MTMR12: variants seen among roughly 807,000 people sequenced by gnomAD.
MTMR12 encodes the protein myotubularin related protein 12, also known as myotubularin-related protein 12.
A neutral mutation model predicts 96.7 loss-of-function variants in MTMR12; 33 were observed. The observed-to-expected ratio is 0.34, with a 90% CI of 0.26 to 0.46. The LOEUF (loss-of-function observed/expected upper bound fraction) is 0.46, where lower values mean the gene tolerates loss of function less well. Among genes scored for constraint, MTMR12 ranks in the 20% least tolerant of loss-of-function variants. The probability of loss-of-function intolerance (pLI) is 1.00; values close to 1 mark genes in which losing one functional copy is unlikely to be tolerated. For missense variants in MTMR12, 721 were observed against 896.1 expected (o/e 0.80, Z 2.49); for synonymous variants, 298 against 327.2 (o/e 0.91, Z 0.96).
At chr5:32,258,738 C>T (rs1749236583) in intron 7 of MTMR12, among the ~76,000 whole-genome samples, 1 of 152,094 alleles carries the variant, frequency 6.6e-6, no homozygotes, top group Non-Finnish European at 1.5e-5. Context: ...GTCATCTGTG[C>T]AGTTGTTTAA....
In MTMR12 at chr5:32,312,698, C is replaced by A; in HGVS notation, c.81+60G>T. Reference sequence around the variant, plus strand: ...GCTCCCCGCTGCAAGGAAGGGGCTCCCGGCGCCCCTCGCCCCGGCCGCCCC... The same window carrying A: ...GCTCCCCGCTGCAAGGAAGGGGCTCACGGCGCCCCTCGCCCCGGCCGCCCC... On this transcript the variant is annotated intron_variant, in intron 1 of 15. Transcript: ENST00000382142. This position sits in a 1 kb window ranked among gnomAD's most constrained non-coding sequence, Gnocchi z 5.0. 7.5e-7 allele frequency: 1 copy of A among 1,331,224 alleles called. No individual in the cohort carries two copies. The highest frequency in any genetic ancestry group is 1.7e-5 in the South Asian group (1 of 58,374). 82.5% of individuals were successfully genotyped at this position (1,331,224 alleles called of 1,614,324 possible). A position where few individuals can be genotyped will look rare whatever the true frequency, so the allele number is the denominator to read the frequency against.
intron 15 of MTMR12, among the ~76,000 whole-genome samples, chr5:32,232,732 G>C (rs1450709918): frequency 6.6e-6 from 1 of 152,244 alleles, no homozygotes; most frequent in African/African-American, 2.4e-5. Flanking sequence ...CAGCCAGAAA[G>C]GGGAAACTCC....
intron 1 of MTMR12, among the ~76,000 whole-genome samples, chr5:32,289,016 T>A (rs1441605182): frequency 1.3e-5 from 2 of 152,172 alleles, no homozygotes; most frequent in Non-Finnish European, 2.9e-5. Flanking sequence ...AATCTAACAG[T>A]GGGAACTGCA....
In MTMR12 at chr5:32,233,455, A is replaced by AACAC. The variant is rs71598927; in HGVS notation, c.1674+314_1674+317dup. Among the ~76,000 whole-genome samples the AACAC allele has an allele frequency of 1.3e-4, 19 of 147,858 alleles. No individual in the cohort carries two copies. The highest frequency in any genetic ancestry group is 2.2e-4 in the Non-Finnish European group (15 of 67,240). Reference sequence around the variant, plus strand: ...CAATCAATGTTCCTTTTACTCTACTAACACACACACACACACAAACACACA... The same window carrying AACAC: ...CAATCAATGTTCCTTTTACTCTACTAACACACACACACACACACACAAACACACA... On this transcript the variant is annotated intron_variant, in intron 15 of 15. Transcript: ENST00000382142. This position sits in a 1 kb window ranked among gnomAD's most constrained non-coding sequence, Gnocchi z 5.0.
At chr5:32,238,341 A>G (rs1236086189) in intron 13 of MTMR12, among the ~76,000 whole-genome samples, 1 of 151,896 alleles carries the variant, frequency 6.6e-6, no homozygotes, top group Non-Finnish European at 1.5e-5. Context: ...GGTAACTGGG[A>G]CTGTAGTCAG....
intron 2 of MTMR12, 108 bp downstream of exon 2, chr5:32,276,574 T>G: frequency 1.1e-6 from 1 of 897,386 alleles, no homozygotes; most frequent in Non-Finnish European, 1.8e-6. Context: ...TACTGTTATA[T>G]GTGAGAAGAT....
intron 2 of MTMR12, among the ~76,000 whole-genome samples, chr5:32,275,784 C>A (rs1363236912): frequency 1.3e-5 from 2 of 151,894 alleles, no homozygotes; most frequent in African/African-American, 2.4e-5. Flanking sequence ...AAGAGAAAAA[C>A]AAGAGGAGAT....
chr5:32,233,628 G>T lies in MTMR12; in HGVS notation c.1674+145C>A. Reference sequence around the variant, plus strand: ...AAAGCAAAGGATTCTAATGGCCCTTGACAATTTGACCATCACAAGTCTCAA... The same window carrying T: ...AAAGCAAAGGATTCTAATGGCCCTTTACAATTTGACCATCACAAGTCTCAA... On this transcript the variant is annotated intron_variant, in intron 15 of 15. Transcript: ENST00000382142. The surrounding 1 kb of genome is among the most constrained non-coding windows in gnomAD (Gnocchi z 5.0). The T allele has an allele frequency of 8.6e-7, 1 of 1,168,036 alleles. No individual in the cohort carries two copies. Among genetic ancestry groups the T allele is most frequent in the Non-Finnish European group, 1.2e-6 (1 of 821,026 alleles). 72.4% of individuals were successfully genotyped at this position (1,168,036 alleles called of 1,614,324 possible). A position where few individuals can be genotyped will look rare whatever the true frequency, so the allele number is the denominator to read the frequency against.
At chr5:32,278,921 T>C (rs1750168930) in intron 1 of MTMR12, among the ~76,000 whole-genome samples, 1 of 149,172 alleles carries the variant, frequency 6.7e-6, no homozygotes, top group Non-Finnish European at 1.5e-5. Flanking sequence ...CTACTAAAAA[T>C]ACAAAATTAG....
intron 13 of MTMR12, among the ~76,000 whole-genome samples, 191 bp from the exon 14 acceptor site, chr5:32,235,320 A>G (rs1425131266): frequency 2.6e-5 from 4 of 152,238 alleles, no homozygotes; most frequent in Non-Finnish European, 5.9e-5. Flanking sequence ...TGCGATTTAC[A>G]TGCCTATCTG....
At chr5:32,252,218 A>C (rs1748958680) in intron 8 of MTMR12, among the ~76,000 whole-genome samples, 1 of 152,192 alleles carries the variant, frequency 6.6e-6, no homozygotes, top group African/African-American at 2.4e-5. Flanking sequence ...AAAAGAAGTG[A>C]AGGCAGGGAA....
Position 32,233,070 on chromosome 5 carries a change from T to C in MTMR12, c.1674+703A>G, listed in dbSNP as rs549576958. The C allele has an allele frequency of 1.1e-6, 1 of 944,398 alleles. No individual in the cohort carries two copies. The highest frequency in any genetic ancestry group is 1.8e-5 in the African/African-American group (1 of 56,436). 58.5% of individuals were successfully genotyped at this position (944,398 alleles called of 1,614,324 possible). ...CATCAGTTAGGGAACTTTGGGATTATCAACTAAAATGACTTTCTGACATTT... is the reference window on the plus strand; with the variant it reads ...CATCAGTTAGGGAACTTTGGGATTACCAACTAAAATGACTTTCTGACATTT... On this transcript the variant is annotated intron_variant, in intron 15 of 15. Transcript: ENST00000382142. The surrounding 1 kb of genome is among the most constrained non-coding windows in gnomAD (Gnocchi z 5.0).
chr5:32,302,737 A>T (rs1388123153), intron 1 of MTMR12, among the ~76,000 whole-genome samples: 2 of 151,502 alleles, frequency 1.3e-5, no homozygotes, highest in Admixed American at 1.3e-4. Flanking sequence ...AAAAAAAAAA[A>T]ATTAGGGAAG....
intron 11 of MTMR12, 62 bp from the exon 12 acceptor site, chr5:32,242,189 A>G: frequency 8.0e-7 from 1 of 1,247,654 alleles, no homozygotes; most frequent in Middle Eastern, 1.9e-4. Context: ...CACAAACACT[A>G]CGTAGTTGAG....
In MTMR12 at chr5:32,236,847, AAAAAGAAAAG is replaced by A. The variant is rs542318193; in HGVS notation, c.1345-1728_1345-1719del. ...AGCGAAACTCCTTCTCCAAAAAAAA[AAAAAGAAAAG>A]AAAAGAAAAGAAAAAAAACAACCAT... is the stretch of plus-strand genomic sequence containing the variant. On this transcript the variant is annotated intron_variant, in intron 13 of 15. Transcript: ENST00000382142. Among the ~76,000 whole-genome samples, 858 of 151,722 alleles carry A rather than the reference AAAAAGAAAAG, an allele frequency of 5.7e-3. 8 individuals carry two copies. The highest frequency in any genetic ancestry group is 0.019 in the African/African-American group (774 of 41,402).
At chr5:32,294,308 CTT>C (rs113079004) in intron 1 of MTMR12, among the ~76,000 whole-genome samples, 2 of 147,350 alleles carry the variant, frequency 1.4e-5, no homozygotes, top group Admixed American at 6.8e-5. Context: ...TCCTTTTTTC[CTT>C]TTTTTTTTTA....
chr5:32,264,294 G>T (rs922733604), intron 6 of MTMR12, among the ~76,000 whole-genome samples: 1 of 152,120 alleles, frequency 6.6e-6, no homozygotes. Flanking sequence ...AATAGTTCAA[G>T]TCTTTGCACA....
chr5:32,260,270 A>G (rs1434651276), intron 7 of MTMR12, among the ~76,000 whole-genome samples: 2 of 151,438 alleles, frequency 1.3e-5, no homozygotes, highest in African/African-American at 4.9e-5. Context: ...AACAGCGGGA[A>G]GCCACTGAAG....
chr5:32,262,487 G>A (rs778299131), intron 7 of MTMR12, among the ~76,000 whole-genome samples: 4 of 152,080 alleles, frequency 2.6e-5, no homozygotes, highest in Non-Finnish European at 5.9e-5. Context: ...TGTGGTCCCA[G>A]CTACTCAGGA....
Sources: gnomAD v4.1 joint callset for allele counts (sites outside exome capture counted in the v4.1 genomes callset) on GRCh38, gnomAD v4.1.1 for gene constraint, Gnocchi (gnomAD v3.1) non-coding constraint, MANE v1.5 for transcripts, NCBI Gene and HGNC (gene_info 2026-07-23, HGNC 2026-07-21) for gene names.